Variants in TTC28 observed in about 807,000 individuals in gnomAD.
The protein encoded by TTC28 is tetratricopeptide repeat protein 28.
TTC28 carries 61 observed loss-of-function variants against 198.0 expected under a neutral mutation model. That is an observed-to-expected ratio of 0.31 (90% CI 0.25 to 0.38). TTC28 has a LOEUF of 0.38. Ranked by LOEUF, TTC28 falls within the 10% of genes least tolerant of loss-of-function variation. TTC28 has a pLI of 1.00. For missense variants in TTC28, 2,678 were observed against 3,164.0 expected (o/e 0.85, Z 3.69); for synonymous variants, 1,171 against 1,297.8 (o/e 0.90, Z 2.10).
chr22:28,393,844 A>G (rs1354358813), intron 2 of TTC28, among the ~76,000 whole-genome samples: 1 of 152,302 alleles, frequency 6.6e-6, no homozygotes, highest in East Asian at 1.9e-4. Flanking sequence ...TCTTGGAACA[A>G]GCCTTATTTC....
chr22:28,264,875 T>C (rs1931577811), intron 5 of TTC28, among the ~76,000 whole-genome samples: 1 of 152,192 alleles, frequency 6.6e-6, no homozygotes, highest in South Asian at 2.1e-4. Flanking sequence ...GATATATCCC[T>C]AGAGACTTCC....
chr22:28,283,026 T>C (rs1224494847), intron 5 of TTC28, among the ~76,000 whole-genome samples: 1 of 152,174 alleles, frequency 6.6e-6, no homozygotes, highest in Non-Finnish European at 1.5e-5. Flanking sequence ...TCAGCCGATT[T>C]ATAATACAAA....
In TTC28 at chr22:28,478,182, C is replaced by A. The variant is rs528034033; in HGVS notation, c.381+151370G>T. On this transcript the variant is annotated intron_variant, in intron 2 of 22. Transcript: ENST00000397906. ...TGATATTAAAGAACCATTGTTGATT[C>A]TTTTCTAGCTGTAGTAATGGTAGTC... 1.1e-4 allele frequency among the ~76,000 whole-genome samples: 17 copies of A among 152,266 alleles called. No homozygotes were observed. In the South Asian group the frequency reaches 3.3e-3, roughly 30 times the overall value.
chr22:28,229,262 T>C (rs946863104), intron 5 of TTC28, among the ~76,000 whole-genome samples: 1 of 152,216 alleles, frequency 6.6e-6, no homozygotes, highest in African/African-American at 2.4e-5. Flanking sequence ...ATATCTACTG[T>C]CTTTAAAAAT....
In TTC28 at chr22:28,490,755, C is replaced by G. The variant is rs1157246068; in HGVS notation, c.381+138797G>C. 2.0e-5 allele frequency among the ~76,000 whole-genome samples: 3 copies of G among 152,282 alleles called. No homozygotes were observed. The East Asian group carries it at 5.8e-4, about 29-fold the overall frequency. The stretch of plus-strand genomic sequence containing the variant: ...AGGCATTGTTTCCAGATCCTAGGCT[C>G]CCTTATTAATTGAGTAAATGGTGCG... On this transcript the variant is annotated intron_variant, in intron 2 of 22. Transcript: ENST00000397906.
At chr22:28,040,183 T>G (rs998465470) in intron 12 of TTC28, among the ~76,000 whole-genome samples, 5 of 152,114 alleles carry the variant, frequency 3.3e-5, no homozygotes, top group African/African-American at 7.2e-5. Context: ...TACCATTCAG[T>G]CTGAAACTAT....
chr22:28,673,163 A>G (rs1287342571), intron 1 of TTC28, among the ~76,000 whole-genome samples: 3 of 152,150 alleles, frequency 2.0e-5, no homozygotes, highest in African/African-American at 4.8e-5. Flanking sequence ...TCACGAGGTC[A>G]GGAGATCGAG....
chr22:28,214,037 C>A (rs1927162653), intron 5 of TTC28, among the ~76,000 whole-genome samples: 1 of 152,062 alleles, frequency 6.6e-6, no homozygotes, highest in Non-Finnish European at 1.5e-5. Flanking sequence ...GGAAAGGATT[C>A]CCTGTTTAAT....
intron 2 of TTC28, among the ~76,000 whole-genome samples, chr22:28,603,205 C>A (rs2146125188): frequency 6.6e-6 from 1 of 151,954 alleles, no homozygotes; most frequent in African/African-American, 2.4e-5. Context: ...AGAAGCCTTG[C>A]TGGACTTCAA....
intron 2 of TTC28, among the ~76,000 whole-genome samples, chr22:28,381,932 G>A (rs1212265229): frequency 6.6e-6 from 1 of 152,094 alleles, no homozygotes; most frequent in Non-Finnish European, 1.5e-5. Flanking sequence ...AGATATATTT[G>A]AGGTGCACTG....
chr22:28,317,440 G>T (rs1014355456), intron 2 of TTC28, among the ~76,000 whole-genome samples: 1 of 152,182 alleles, frequency 6.6e-6, no homozygotes, highest in South Asian at 2.1e-4. Context: ...AGATTCAGGC[G>T]ATAAGTTTCA....
At chr22:28,128,002 T>C (rs572127129) in intron 6 of TTC28, among the ~76,000 whole-genome samples, 2 of 152,056 alleles carry the variant, frequency 1.3e-5, no homozygotes, top group East Asian at 3.9e-4. Context: ...GTATTGGAAC[T>C]ACAGGTATGA....
intron 2 of TTC28, among the ~76,000 whole-genome samples, chr22:28,464,590 ATC>A: frequency 6.6e-6 from 1 of 152,174 alleles, no homozygotes; most frequent in East Asian, 1.9e-4. Context: ...ATAAAATTCT[ATC>A]TGTCTTCACT....
chr22:28,415,411 CAT>C (rs1379381025), intron 2 of TTC28, among the ~76,000 whole-genome samples: 2 of 151,474 alleles, frequency 1.3e-5, no homozygotes, highest in Admixed American at 6.6e-5. Context: ...CAGAGTGAAA[CAT>C]ATTTTCAATG....
intron 6 of TTC28, among the ~76,000 whole-genome samples, chr22:28,147,191 C>G (rs374536810): frequency 1.3e-5 from 2 of 152,154 alleles, no homozygotes; most frequent in East Asian, 1.9e-4. Flanking sequence ...GAATTTCGGT[C>G]GGGAACAACA....
At chr22:28,276,323 T>C (rs1480518805) in intron 5 of TTC28, among the ~76,000 whole-genome samples, 3 of 152,168 alleles carry the variant, frequency 2.0e-5, no homozygotes. Flanking sequence ...CACTATTTTT[T>C]ATTATAGGAA....
chr22:28,163,109 C>A lies in TTC28; in HGVS notation c.1424G>T (p.Arg475Leu). 2 of 1,550,006 alleles carry A rather than the reference C, an allele frequency of 1.3e-6. No homozygotes were observed. Among genetic ancestry groups the A allele is most frequent in the South Asian group, 1.2e-5 (1 of 83,746 alleles). ...GTTCTTACCTAGATTGGAGGATGCTCGCCCCTCTGCAGCCCGGTCCTTGAG... is the reference window on the plus strand; with the variant it reads ...GTTCTTACCTAGATTGGAGGATGCTAGCCCCTCTGCAGCCCGGTCCTTGAG... ...EDLKDRAAEG[R>L]ASSNLGIIHQ... Residue 475 changes from arginine to leucine, a missense_variant, in exon 6 of 23, where the codon CGA becomes CTA. Coordinates refer to ENST00000397906, the MANE Select transcript of TTC28 (RefSeq NM_001145418.2).
At chr22:28,621,031 C>T (rs1398551296) in intron 2 of TTC28, among the ~76,000 whole-genome samples, 2 of 152,182 alleles carry the variant, frequency 1.3e-5, no homozygotes, top group African/African-American at 2.4e-5. Flanking sequence ...GTAAAAAAGA[C>T]TGTTTCGACA....
chr22:28,112,231 G>A (rs1942503250), intron 6 of TTC28, among the ~76,000 whole-genome samples: 1 of 152,120 alleles, frequency 6.6e-6, no homozygotes, highest in African/African-American at 2.4e-5. Context: ...TCTAAACCTA[G>A]TAGGACCAGT....
Sources: allele counts gnomAD v4.1 joint callset (sites outside exome capture counted in the v4.1 genomes callset), GRCh38; gene constraint gnomAD v4.1.1; transcripts MANE v1.5; gene names NCBI Gene and HGNC (gene_info 2026-07-23, HGNC 2026-07-21).